Variants in COL4A4 observed in about 807,000 individuals in gnomAD.
COL4A4 encodes the protein collagen alpha-4(IV) chain.
COL4A4 carries 105 observed loss-of-function variants against 192.9 expected under a neutral mutation model. That is an observed-to-expected ratio of 0.54 (90% CI 0.46 to 0.64). The LOEUF (loss-of-function observed/expected upper bound fraction) is 0.64, where lower values mean the gene tolerates loss of function less well. Ranked by LOEUF, COL4A4 falls within the 30% of genes least tolerant of loss-of-function variation. The pLI is 0.00. For synonymous variants in COL4A4, 762 were observed against 769.9 expected, an observed-to-expected ratio of 0.99 and a Z score of 0.17; for missense variants, 1,967 against 2,169.3, an observed-to-expected ratio of 0.91 and a Z score of 1.85.
chr2:227,134,556 G>A (rs2062689754), intron 4 of COL4A4, among the ~76,000 whole-genome samples: 1 of 152,174 alleles, frequency 6.6e-6, no homozygotes, highest in Admixed American at 6.5e-5. Flanking sequence ...GAGTGATAGT[G>A]AGACTGAGTT....
chr2:227,002,286 C>G (rs1961188408), downstream of COL4A4, among the ~76,000 whole-genome samples: 2 of 151,896 alleles, frequency 1.3e-5, no homozygotes, highest in South Asian at 2.1e-4. Context: ...TAACTCCTGA[C>G]TTCAAGTCAC....
chr2:227,096,575 T>C (rs2060215197), intron 19 of COL4A4, among the ~76,000 whole-genome samples: 1 of 152,192 alleles, frequency 6.6e-6, no homozygotes. Context: ...CAAATATCTG[T>C]AGTAATAATA....
intron 22 of COL4A4, among the ~76,000 whole-genome samples, chr2:227,082,773 G>T (rs1181571020): frequency 2.6e-5 from 4 of 152,190 alleles, no homozygotes; most frequent in Non-Finnish European, 5.9e-5. Context: ...GAGGAATTAA[G>T]AACCTTTTCT....
At chr2:227,040,162 G>A (rs1216684218) in intron 37 of COL4A4, among the ~76,000 whole-genome samples, 1 of 152,122 alleles carries the variant, frequency 6.6e-6, no homozygotes, top group Non-Finnish European at 1.5e-5. Context: ...CAGAAGAAGG[G>A]GTTTCCAACT....
intron 4 of COL4A4, among the ~76,000 whole-genome samples, chr2:227,129,754 C>T (rs972516209): frequency 1.3e-5 from 2 of 152,094 alleles, no homozygotes; most frequent in Non-Finnish European, 2.9e-5. Context: ...GTTTTTATTT[C>T]CACCTCAGCA....
chr2:227,049,264 G>T (rs1164445319), intron 34 of COL4A4, among the ~76,000 whole-genome samples: 1 of 152,208 alleles, frequency 6.6e-6, no homozygotes, highest in Non-Finnish European at 1.5e-5. Context: ...AAGGGTTAAT[G>T]AAGCCTCTCT....
chr2:227,098,606 A>G, intron 19 of COL4A4, 88 bp downstream of exon 19: 6 of 988,084 alleles, frequency 6.1e-6, no homozygotes, highest in East Asian at 2.5e-5. Context: ...GGTGATTCCA[A>G]TATCAGCTAC....
intron 44 of COL4A4, among the ~76,000 whole-genome samples, chr2:227,018,824 C>T (rs1458020646): frequency 1.3e-5 from 2 of 152,102 alleles, no homozygotes; most frequent in African/African-American, 4.8e-5. Flanking sequence ...CCCATGAAAC[C>T]CTAAGTCAGG....
chr2:227,095,085 G>A (rs1043425736), intron 19 of COL4A4, among the ~76,000 whole-genome samples: 7 of 152,172 alleles, frequency 4.6e-5, no homozygotes, highest in African/African-American at 1.7e-4. Context: ...AAAGAAATGG[G>A]TTTAGAGAAT....
intron 18 of COL4A4, among the ~76,000 whole-genome samples, chr2:227,099,281 G>A (rs1332255939): frequency 6.6e-6 from 1 of 152,038 alleles, no homozygotes; most frequent in African/African-American, 2.4e-5. Context: ...TGGCCAGGCT[G>A]GTCTCGAACT....
At chr2:227,029,986 GGAA>G (rs1428527839) in intron 41 of COL4A4, among the ~76,000 whole-genome samples, 4 of 152,106 alleles carry the variant, frequency 2.6e-5, no homozygotes, top group African/African-American at 7.2e-5. Flanking sequence ...TTCAAAAGCA[GGAA>G]GAAGGAGTGG....
intron 13 of COL4A4, among the ~76,000 whole-genome samples, 182 bp downstream of exon 13, chr2:227,103,790 C>A (rs982134021): frequency 5.3e-5 from 8 of 152,182 alleles, no homozygotes; most frequent in Non-Finnish European, 7.3e-5. Context: ...ACACTGGGAA[C>A]CTTCCAAGCC....
chr2:227,024,670 G>A (rs1442392212), intron 43 of COL4A4, among the ~76,000 whole-genome samples: 2 of 152,214 alleles, frequency 1.3e-5, no homozygotes, highest in African/African-American at 2.4e-5. Context: ...TGTGTAAAAT[G>A]ACCTGGAATT....
intron 37 of COL4A4, among the ~76,000 whole-genome samples, chr2:227,041,915 A>AAAGG (rs1553633566): frequency 5.8e-4 from 87 of 151,094 alleles, no homozygotes; most frequent in African/African-American, 2.0e-3. Context: ...AGAAAGAAAG[A>AAAGG]AAGAAAGAAA....
At chr2:227,150,778 C>A (rs141287961) in intron 1 of COL4A4, among the ~76,000 whole-genome samples, 2 of 152,094 alleles carry the variant, frequency 1.3e-5, no homozygotes, top group South Asian at 2.1e-4. Context: ...GTCACAAGAA[C>A]GGCATAGGGG....
intron 19 of COL4A4, among the ~76,000 whole-genome samples, chr2:227,097,433 A>G (rs899420138): frequency 1.3e-5 from 2 of 152,238 alleles, no homozygotes; most frequent in Non-Finnish European, 2.9e-5. Flanking sequence ...ATATAAATGT[A>G]AAATCAAATG....
chr2:227,042,167 T>C lies in COL4A4; in HGVS notation c.3486A>G (p.Pro1162=), dbSNP rs2229815. 4,773 of 1,608,782 alleles carry C rather than the reference T, an allele frequency of 3.0e-3. 115 individuals are homozygous for C. The African/African-American group carries it at 0.054, about 18-fold the overall frequency. Residue 1162 remains proline (P), a synonymous_variant, in exon 37 of 48, where the codon CCA becomes CCG. Transcript: ENST00000396625. Reference sequence around the variant, plus strand: ...ACTTACCTTTTATTCCCGGAGGACCTGGTATCCCTGGATCCCCCTGGAGGC... The same window carrying C: ...ACTTACCTTTTATTCCCGGAGGACCCGGTATCCCTGGATCCCCCTGGAGGC... ...PRGLQGDPGI[P]GPPGIKGPSG... is the part of the protein sequence containing the mutation.
the COL4A4 span, among the ~76,000 whole-genome samples, chr2:226,981,233 G>A: frequency 6.6e-6 from 1 of 152,166 alleles, no homozygotes; most frequent in Non-Finnish European, 1.5e-5. Flanking sequence ...GAGGGATGGG[G>A]GAGGGATAGC....
intron 31 of COL4A4, among the ~76,000 whole-genome samples, chr2:227,052,620 A>C (rs1366130911): frequency 6.6e-6 from 1 of 152,224 alleles, no homozygotes; most frequent in Non-Finnish European, 1.5e-5. Context: ...GTCCAGCCAC[A>C]GAGTCTGGTG....
Sources: allele counts gnomAD v4.1 joint callset (sites outside exome capture counted in the v4.1 genomes callset), GRCh38; gene constraint gnomAD v4.1.1; transcripts MANE v1.5; gene names NCBI Gene and HGNC (gene_info 2026-07-23, HGNC 2026-07-21).